CFAP161: variants seen among roughly 807,000 people sequenced by gnomAD.
CFAP161 encodes cilia and flagella associated protein 161, also known as cilia- and flagella-associated protein 161.
A neutral mutation model predicts 29.0 loss-of-function variants in CFAP161; 25 were observed. The ratio of observed to expected loss-of-function variants is 0.86; its 90% CI spans 0.63 to 1.20. The LOEUF is 1.20. CFAP161 is among the 50% of genes most tolerant of loss of function. The probability of loss-of-function intolerance (pLI) is 0.00; values close to 1 mark genes in which losing one functional copy is unlikely to be tolerated. For synonymous variants in CFAP161, 116 were observed against 137.4 expected, an observed-to-expected ratio of 0.84 and a Z score of 1.09; for missense variants, 367 against 371.9, an observed-to-expected ratio of 0.99 and a Z score of 0.11.
intron 1 of CFAP161, among the ~76,000 whole-genome samples, chr15:81,123,648 A>T (rs1894603914): frequency 1.3e-5 from 2 of 152,200 alleles, no homozygotes; most frequent in Non-Finnish European, 2.9e-5. Flanking sequence ...CATTTTGATG[A>T]CATTGATTCT....
Position 81,143,741 on chromosome 15 carries a change from A to T in CFAP161, c.557A>T (p.Glu186Val). The change falls in exon 5 of 7, where the codon GAG becomes GTG. Residue 186 changes from glutamate (E) to valine (V), a missense_variant. By Grantham distance (121) the Glu-to-Val change is moderately radical. Coordinates refer to ENST00000286732, the MANE Select transcript of CFAP161 (RefSeq NM_173528.4). ...SWLQEVYLTDEVSHVNCWQAA... is the reference protein window; with the variant it reads ...SWLQEVYLTDVVSHVNCWQAA... ...CTCCAGGAAGTGTACCTAACAGATG[A>T]GGTCTCCCATGTGAACTGCTGGCAG... 6.2e-7 allele frequency: 1 copy of T among 1,614,142 alleles called. No homozygotes were observed. Among genetic ancestry groups the T allele is most frequent in the Non-Finnish European group, 8.5e-7 (1 of 1,180,008 alleles).
intron 1 of CFAP161, among the ~76,000 whole-genome samples, chr15:81,123,554 G>C (rs1156778849): frequency 1.3e-5 from 2 of 152,116 alleles, no homozygotes; most frequent in African/African-American, 4.8e-5. Flanking sequence ...TTTTAAAATA[G>C]TTTTTTTCTA....
chr15:81,119,277 A>G (rs1475748375), intron 1 of CFAP161, among the ~76,000 whole-genome samples: 2 of 152,204 alleles, frequency 1.3e-5, no homozygotes, highest in Admixed American at 6.5e-5. Flanking sequence ...AAAGAAATTT[A>G]TTTATTTCTA....
chr15:81,111,894 T>G (rs1301231846), intron 1 of CFAP161, among the ~76,000 whole-genome samples: 8 of 152,254 alleles, frequency 5.3e-5, no homozygotes, highest in Non-Finnish European at 2.9e-5. Flanking sequence ...GATTTGATGT[T>G]GAAATTAGCT....
intron 3 of CFAP161, 64 bp from the exon 4 acceptor site, chr15:81,137,987 G>T: frequency 1.6e-6 from 2 of 1,222,926 alleles, no homozygotes; most frequent in Non-Finnish European, 2.3e-6. Flanking sequence ...ATAAAAAATA[G>T]AGTCATAGAA....
chr15:81,115,001 C>G (rs771885733), intron 1 of CFAP161, among the ~76,000 whole-genome samples: 12 of 152,086 alleles, frequency 7.9e-5, no homozygotes, highest in Admixed American at 5.9e-4. Flanking sequence ...AACAATTATC[C>G]TTGGCTAAAA....
chr15:81,137,343 C>A (rs1055322371), intron 3 of CFAP161, among the ~76,000 whole-genome samples: 2 of 152,112 alleles, frequency 1.3e-5, no homozygotes, highest in Non-Finnish European at 2.9e-5. Context: ...GCCTGTAATC[C>A]CAATACTTTG....
At chr15:81,128,723 G>T (rs770093710) in intron 2 of CFAP161, among the ~76,000 whole-genome samples, 7 of 152,098 alleles carry the variant, frequency 4.6e-5, no homozygotes, top group Admixed American at 2.0e-4. Flanking sequence ...ATGGCATCTA[G>T]AATGGCAAAT....
chr15:81,135,230 C>T (rs762868802), intron 1 of CFAP161, 40 bp from the exon 2 acceptor site: 2 of 1,397,122 alleles, frequency 1.4e-6, no homozygotes, highest in East Asian at 2.3e-5. Flanking sequence ...ATACTAACAT[C>T]TATATTATTC....
intron 1 of CFAP161, among the ~76,000 whole-genome samples, chr15:81,114,525 C>T (rs1894473091): frequency 6.6e-6 from 1 of 152,148 alleles, no homozygotes; most frequent in African/African-American, 2.4e-5. Context: ...ACTCTTCTTT[C>T]ACATGTCAAT....
At chr15:81,145,382 G>A (rs75164988) in intron 5 of CFAP161, among the ~76,000 whole-genome samples, 1 of 152,218 alleles carries the variant, frequency 6.6e-6, no homozygotes, top group Non-Finnish European at 1.5e-5. Context: ...CTAAATTTGG[G>A]GTGTTAATAG....
intron 1 of CFAP161, among the ~76,000 whole-genome samples, chr15:81,125,056 C>T (rs942056028): frequency 6.6e-6 from 1 of 151,022 alleles, no homozygotes; most frequent in Admixed American, 6.6e-5. Context: ...TTTAACATAA[C>T]ATAACTTTAA....
chr15:81,144,843 A>G (rs910695838), intron 5 of CFAP161, among the ~76,000 whole-genome samples: 4 of 151,858 alleles, frequency 2.6e-5, no homozygotes, highest in Non-Finnish European at 5.9e-5. Context: ...CCAAGGAGAC[A>G]GCAGGGTAGC....
rs781411575 is a variant in CFAP161, at chr15:81,136,522, C to T, written c.166C>T (p.Leu56Phe). Residue 56 changes from leucine to phenylalanine, a missense_variant, in exon 3 of 7, where the codon CTT (leucine) becomes TTT (phenylalanine). Coordinates refer to ENST00000286732, the MANE Select transcript of CFAP161 (RefSeq NM_173528.4). ...LKQNLLRPMQ[L>F]SVTEDGYIHY... The stretch of plus-strand genomic sequence containing the variant: ...ACTACTATCAAAATTGTAGATGCAA[C>T]TTTCCGTAACTGAAGATGGCTATAT... The T allele has an allele frequency of 6.2e-7, 1 of 1,613,988 alleles. No individual in the cohort carries two copies. The highest frequency in any genetic ancestry group is 1.1e-5 in the South Asian group (1 of 91,072).
rs977866717 is a variant in CFAP161, at chr15:81,149,175, A to G, written c.*642A>G. On this transcript the variant is annotated 3_prime_UTR_variant, in exon 7 of 7. Transcript: ENST00000286732. ...TGACAAAATAAATGTATGTCCTTCC[A>G]TGTATTTGTTCATCTGTTCATTCCT... is the stretch of plus-strand genomic sequence containing the variant. The G allele has an allele frequency of 1.3e-5, 2 of 152,276 alleles. No homozygotes were observed. The highest frequency in any genetic ancestry group is 1.5e-5 in the Non-Finnish European group (1 of 68,052). 9.4% of individuals were successfully genotyped at this position (152,276 alleles called of 1,614,324 possible).
intron 1 of CFAP161, among the ~76,000 whole-genome samples, chr15:81,106,503 A>AAGATGTAT (rs1344157852): frequency 2.0e-5 from 3 of 152,198 alleles, no homozygotes; most frequent in Non-Finnish European, 2.9e-5. Flanking sequence ...ACAGTGAGAG[A>AAGATGTAT]AGATGTATCA....
intron 1 of CFAP161, among the ~76,000 whole-genome samples, chr15:81,124,729 G>A (rs1894618951): frequency 6.6e-6 from 1 of 151,986 alleles, no homozygotes; most frequent in South Asian, 2.1e-4. Context: ...CTTCCTGGTT[G>A]AGTCTTGGGA....
chr15:81,121,962 C>T (rs1349310432), intron 1 of CFAP161, among the ~76,000 whole-genome samples: 3 of 152,182 alleles, frequency 2.0e-5, no homozygotes, highest in African/African-American at 7.2e-5. Context: ...TGAGAACATG[C>T]AGTATTTGGT....
intron 1 of CFAP161, among the ~76,000 whole-genome samples, chr15:81,122,342 C>T (rs1256547817): frequency 1.3e-5 from 2 of 152,142 alleles, no homozygotes; most frequent in Non-Finnish European, 2.9e-5. Context: ...AGTATAAATG[C>T]ATTCCTTTTT....
Sources: allele counts gnomAD v4.1 joint callset (sites outside exome capture counted in the v4.1 genomes callset), GRCh38; gene constraint gnomAD v4.1.1; transcripts MANE v1.5; gene names NCBI Gene and HGNC (gene_info 2026-07-23, HGNC 2026-07-21).